RASSF3: variants seen among roughly 807,000 people sequenced by gnomAD.
RASSF3 encodes ras association domain-containing protein 3.
A neutral mutation model predicts 19.9 loss-of-function variants in RASSF3; 19 were observed. The observed-to-expected ratio is 0.96, with a 90% CI of 0.67 to 1.40. The LOEUF (loss-of-function observed/expected upper bound fraction) is 1.40. Among genes scored for constraint, RASSF3 ranks in the 40% most tolerant of loss-of-function variants. The pLI is 0.00. For synonymous variants in RASSF3, 110 were observed against 104.2 expected (o/e 1.06, Z -0.34); for missense variants, 306 against 289.8 (o/e 1.06, Z -0.41).
chr12:64,641,633 CTCTCT>C (rs1425368641), intron 1 of RASSF3, among the ~76,000 whole-genome samples: 1 of 83,080 alleles, frequency 1.2e-5, no homozygotes, highest in Non-Finnish European at 2.5e-5. Context: ...CCATCTCTCT[CTCTCT>C]TTTTTTTTTT....
At chr12:64,592,191 A>G (rs1264434) in intron 2 of RASSF3, among the ~76,000 whole-genome samples, 79,446 of 152,102 alleles carry the variant, frequency 0.52, 21,014 homozygotes, top group Admixed American at 0.56. Context: ...ATGAGCCACC[A>G]CATCAGCTAT....
chr12:64,579,127 CAAA>C (rs555192738), intron 2 of RASSF3, among the ~76,000 whole-genome samples: 1 of 129,788 alleles, frequency 7.7e-6, no homozygotes, highest in Non-Finnish European at 1.7e-5. Context: ...AACTCTGTCT[CAAA>C]AAAAAAAAAA....
At chr12:64,603,895 TG>T (rs1870137858) in intron 2 of RASSF3, among the ~76,000 whole-genome samples, 1 of 152,208 alleles carries the variant, frequency 6.6e-6, no homozygotes, top group African/African-American at 2.4e-5. Context: ...GTCGCCAGGC[TG>T]GAGTGCAGTG....
intron 2 of RASSF3, among the ~76,000 whole-genome samples, chr12:64,562,657 G>C (rs1303525327): frequency 6.6e-6 from 1 of 151,952 alleles, no homozygotes; most frequent in Non-Finnish European, 1.5e-5. Context: ...GTCTTTCTCT[G>C]TTGCTCAGGC....
At chr12:64,552,936 C>T (rs1869190469) in intron 2 of RASSF3, among the ~76,000 whole-genome samples, 1 of 152,116 alleles carries the variant, frequency 6.6e-6, no homozygotes, top group Non-Finnish European at 1.5e-5. Context: ...TGGGGCCGGG[C>T]TCGGTGGCTC....
intron 2 of RASSF3, among the ~76,000 whole-genome samples, chr12:64,579,692 C>T (rs1355984102): frequency 6.6e-6 from 1 of 151,740 alleles, no homozygotes; most frequent in East Asian, 1.9e-4. Flanking sequence ...TTTATTAATG[C>T]TATTGCTTTG....
intron 1 of RASSF3, among the ~76,000 whole-genome samples, chr12:64,523,294 T>C (rs1274275186): frequency 2.0e-5 from 3 of 152,034 alleles, no homozygotes; most frequent in African/African-American, 4.8e-5. Context: ...TAATCCCACC[T>C]ACTTGGGAGG....
chr12:64,652,634 A>AT (rs1265947662), intron 1 of RASSF3, among the ~76,000 whole-genome samples: 1 of 152,168 alleles, frequency 6.6e-6, no homozygotes, highest in East Asian at 1.9e-4. Context: ...CCAGAGATGA[A>AT]TGAGGATTCT....
rs1269253948 is a variant in RASSF3 at position 64,696,130 on chromosome 12, C to T, written c.*1218C>T. On this transcript the variant is annotated 3_prime_UTR_variant, in exon 5 of 5. Coordinates refer to ENST00000542104, the MANE Select transcript of RASSF3 (RefSeq NM_178169.4). ...CCCTCCCTCCCTCCCTCCTTCCCTCCCTCTCTCTCCCTCTCCCTTTCTTTT... is the reference window on the plus strand; with the variant it reads ...CCCTCCCTCCCTCCCTCCTTCCCTCTCTCTCTCTCCCTCTCCCTTTCTTTT... 3.1e-5 allele frequency: 4 copies of T among 127,538 alleles called. No individual in the cohort carries two copies. Among genetic ancestry groups the T allele is most frequent in the African/African-American group, 6.5e-5 (2 of 30,624 alleles). 7.9% of individuals were successfully genotyped at this position (127,538 alleles called of 1,614,324 possible).
At chr12:64,591,519 A>G (rs1344314446) in intron 2 of RASSF3, among the ~76,000 whole-genome samples, 1 of 152,004 alleles carries the variant, frequency 6.6e-6, no homozygotes, top group Non-Finnish European at 1.5e-5. Flanking sequence ...TAACAAACCA[A>G]TCATGTGCAT....
chr12:64,587,005 T>C (rs1592409273), intron 2 of RASSF3, among the ~76,000 whole-genome samples: 1 of 151,894 alleles, frequency 6.6e-6, no homozygotes, highest in Non-Finnish European at 1.5e-5. Context: ...CAAGTTGATA[T>C]GTTCTTTAAA....
At chr12:64,517,446 T>C (rs1003880384) in intron 1 of RASSF3, among the ~76,000 whole-genome samples, 28 of 152,102 alleles carry the variant, frequency 1.8e-4, no homozygotes, top group African/African-American at 6.3e-4. Flanking sequence ...ATATTAACCC[T>C]ACCAGATATC....
chr12:64,603,829 G>A (rs1326430159), intron 2 of RASSF3, among the ~76,000 whole-genome samples: 1 of 152,102 alleles, frequency 6.6e-6, no homozygotes, highest in Admixed American at 6.6e-5. Flanking sequence ...TTTGAACACA[G>A]GCAGTCTGAT....
intron 1 of RASSF3, among the ~76,000 whole-genome samples, chr12:64,677,875 C>A (rs924718309): frequency 6.6e-6 from 1 of 152,212 alleles, no homozygotes; most frequent in Non-Finnish European, 1.5e-5. Flanking sequence ...CATCTAACTT[C>A]ACATGCTGAA....
At chr12:64,539,111 G>C (rs1006566025) in intron 1 of RASSF3, among the ~76,000 whole-genome samples, 1 of 152,152 alleles carries the variant, frequency 6.6e-6, no homozygotes, top group African/African-American at 2.4e-5. Context: ...ACCACAGAAA[G>C]AGTAATTTAA....
chr12:64,512,147 C>A (rs932735704), intron 1 of RASSF3, among the ~76,000 whole-genome samples: 5 of 152,144 alleles, frequency 3.3e-5, no homozygotes, highest in African/African-American at 1.2e-4. Context: ...AGAGAGAGAA[C>A]CATCATGGAA....
At chr12:64,547,343 G>A (rs574153251) in intron 2 of RASSF3, among the ~76,000 whole-genome samples, 129 of 151,000 alleles carry the variant, frequency 8.5e-4, no homozygotes, top group African/African-American at 2.9e-3. Flanking sequence ...TGAGGCAGGC[G>A]GATCACAAGG....
upstream of RASSF3, among the ~76,000 whole-genome samples, chr12:64,606,556 G>A (rs1870195974): frequency 1.3e-5 from 2 of 152,166 alleles, no homozygotes; most frequent in African/African-American, 4.8e-5. Flanking sequence ...AATTGTTAAA[G>A]GTCACATAAG....
chr12:64,568,155 C>T (rs1017355957), intron 2 of RASSF3, among the ~76,000 whole-genome samples: 1 of 152,228 alleles, frequency 6.6e-6, no homozygotes, highest in Non-Finnish European at 1.5e-5. Context: ...CCTCAGCCTC[C>T]TGAGAAGCTG....
Sources: gnomAD v4.1 joint callset for allele counts (sites outside exome capture counted in the v4.1 genomes callset) on GRCh38, gnomAD v4.1.1 for gene constraint, MANE v1.5 for transcripts, NCBI Gene and HGNC (gene_info 2026-07-23, HGNC 2026-07-21) for gene names.